PLXNC1: variants seen among roughly 807,000 people sequenced by gnomAD.
PLXNC1 encodes plexin-C1.
In PLXNC1, 75 loss-of-function variants were observed where a neutral mutation model predicts 178.2. That is an observed-to-expected ratio of 0.42 (90% CI 0.35 to 0.51). The LOEUF is 0.51. Among genes scored for constraint, PLXNC1 ranks in the 20% least tolerant of loss-of-function variants. The pLI is 0.02. For missense variants in PLXNC1, 1,503 were observed against 1,984.4 expected (o/e 0.76, Z 4.61); for synonymous variants, 790 against 779.9 (o/e 1.01, Z -0.22).
intron 23 of PLXNC1, 77 bp downstream of exon 23, chr12:94,282,478 AG>A (rs2136147534): frequency 1.1e-6 from 1 of 945,040 alleles, no homozygotes; most frequent in South Asian, 1.4e-5. Context: ...TAAAACATCC[AG>A]GACTCCCACC....
intron 18 of PLXNC1, 61 bp downstream of exon 18, chr12:94,259,436 C>A: frequency 7.9e-7 from 1 of 1,269,852 alleles, no homozygotes; most frequent in Non-Finnish European, 1.1e-6. Context: ...GTGTTATCAT[C>A]ATCACTATCA....
At chr12:94,270,658 C>T (rs1417879309) in intron 21 of PLXNC1, among the ~76,000 whole-genome samples, 2 of 151,136 alleles carry the variant, frequency 1.3e-5, no homozygotes, top group African/African-American at 4.9e-5. Flanking sequence ...CTAAATCAGA[C>T]AGCTCTTCAT....
chr12:94,212,765 G>A (rs1284670528), intron 5 of PLXNC1, among the ~76,000 whole-genome samples: 1 of 149,738 alleles, frequency 6.7e-6, no homozygotes, highest in Middle Eastern at 3.2e-3. Flanking sequence ...TGTCGCCCAG[G>A]CTGGAGTGCA....
At chr12:94,165,841 C>T (rs973390284) in intron 1 of PLXNC1, among the ~76,000 whole-genome samples, 12 of 151,986 alleles carry the variant, frequency 7.9e-5, no homozygotes, top group South Asian at 2.1e-4. Flanking sequence ...ACGGTTGCCA[C>T]GAGTCTATGC....
chr12:94,302,478 C>CT (rs1369891786), intron 28 of PLXNC1, among the ~76,000 whole-genome samples: 1 of 152,182 alleles, frequency 6.6e-6, no homozygotes, highest in Non-Finnish European at 1.5e-5. Flanking sequence ...AATATATTTC[C>CT]TACAGCACTT....
rs371906337 is a variant in PLXNC1 at position 94,149,793 on chromosome 12, G to T, written c.822G>T (p.Leu274=). The change falls in exon 1 of 31, where the codon CTG becomes CTT. Residue 274 remains leucine, a synonymous_variant. Coordinates refer to ENST00000258526, the MANE Select transcript of PLXNC1 (RefSeq NM_005761.3). The part of the protein sequence containing the change: ...MARIAQSTEV[L]FQGQASLDCG... Reference sequence around the variant, plus strand: ...GCATCGCGCAGAGCACCGAGGTGCTGTTCCAGGGCCAGGCATCCCTCGACT... The same window carrying T: ...GCATCGCGCAGAGCACCGAGGTGCTTTTCCAGGGCCAGGCATCCCTCGACT... 1 of 1,606,834 alleles carries T rather than the reference G, an allele frequency of 6.2e-7. No homozygotes were observed. The highest frequency in any genetic ancestry group is 8.5e-7 in the Non-Finnish European group (1 of 1,178,434).
At position 94,248,052 on chromosome 12, in the gene PLXNC1, C is replaced by T. The variant is rs1487490321; in HGVS notation, c.2538C>T (p.Phe846=). ...GTLQYREDPR[F]TGYRVESEVD... is the part of the protein sequence containing the mutation. ...TGCAGTATCGGGAGGACCCCAGATTCACGGGGTATCGGGTGGAATCCGAGG... is the reference window on the plus strand; with the variant it reads ...TGCAGTATCGGGAGGACCCCAGATTTACGGGGTATCGGGTGGAATCCGAGG... The change falls in exon 13 of 31, where the codon TTC becomes TTT. Residue 846 remains phenylalanine (F), a synonymous_variant. Coordinates refer to ENST00000258526, the MANE Select transcript of PLXNC1 (RefSeq NM_005761.3). 8.1e-6 allele frequency: 13 copies of T among 1,613,948 alleles called. No individual in the cohort carries two copies. The highest frequency in any genetic ancestry group is 1.1e-5 in the Non-Finnish European group (13 of 1,179,980).
intron 3 of PLXNC1, among the ~76,000 whole-genome samples, chr12:94,182,185 T>G (rs556493169): frequency 1.3e-5 from 2 of 152,310 alleles, no homozygotes; most frequent in East Asian, 3.9e-4. Flanking sequence ...TCACTATTCT[T>G]TGCATGATCT....
At chr12:94,162,482 T>A (rs1259623943) in intron 1 of PLXNC1, among the ~76,000 whole-genome samples, 1 of 152,048 alleles carries the variant, frequency 6.6e-6, no homozygotes, top group Non-Finnish European at 1.5e-5. Flanking sequence ...GGGAAGCCAT[T>A]GGAGAATTTT....
At position 94,192,335 on chromosome 12, in the gene PLXNC1, AT is replaced by A. The variant is rs1253971505; in HGVS notation, c.1439+5868del. 2.6e-5 allele frequency among the ~76,000 whole-genome samples: 4 copies of A among 151,898 alleles called. No homozygotes were observed. In the East Asian group the frequency reaches 7.7e-4, roughly 29 times the overall value. ...TTCAATCCTACATCCAATCACAAATATTTTTTAAGCACAACAATGTGCTAAG... is the reference window on the plus strand; with the variant it reads ...TTCAATCCTACATCCAATCACAAATATTTTTAAGCACAACAATGTGCTAAG... On this transcript the variant is annotated intron_variant, in intron 4 of 30. Coordinates refer to ENST00000258526, the MANE Select transcript of PLXNC1 (RefSeq NM_005761.3).
chr12:94,149,907 G>C lies in PLXNC1; in HGVS notation c.936G>C (p.Ala312=). 1.3e-6 allele frequency: 2 copies of C among 1,588,900 alleles called. No individual in the cohort carries two copies. Among genetic ancestry groups the C allele is most frequent in the Non-Finnish European group, 8.6e-7 (1 of 1,168,488 alleles). ...ACGTCTGGGCGGGAGTGTTCAGCGCGGCCGCTGGAGAGGGCCAGGAGCGGC... is the reference window on the plus strand; with the variant it reads ...ACGTCTGGGCGGGAGTGTTCAGCGCCGCCGCTGGAGAGGGCCAGGAGCGGC... ...ALDVWAGVFS[A]AAGEGQERRS... Residue 312 remains alanine (A), a synonymous_variant, in exon 1 of 31, where the codon GCG becomes GCC. Transcript: ENST00000258526.
At chr12:94,221,995 A>G (rs1963809872) in intron 6 of PLXNC1, among the ~76,000 whole-genome samples, 1 of 152,190 alleles carries the variant, frequency 6.6e-6, no homozygotes, top group Non-Finnish European at 1.5e-5. Flanking sequence ...TCAAAAGGCA[A>G]TTTAATGCAC....
intron 23 of PLXNC1, among the ~76,000 whole-genome samples, chr12:94,288,672 T>A (rs946067912): frequency 2.0e-5 from 3 of 152,234 alleles, no homozygotes; most frequent in Non-Finnish European, 4.4e-5. Context: ...CTCAGCAAGG[T>A]TATCCCTCAA....
intron 23 of PLXNC1, among the ~76,000 whole-genome samples, chr12:94,291,029 C>T (rs1033972578): frequency 3.3e-5 from 5 of 152,322 alleles, no homozygotes; most frequent in Non-Finnish European, 2.9e-5. Flanking sequence ...CCCCTTTGCC[C>T]GAAGGGCACT....
At chr12:94,163,467 G>T (rs1762813194) in intron 1 of PLXNC1, among the ~76,000 whole-genome samples, 2 of 152,096 alleles carry the variant, frequency 1.3e-5, no homozygotes, top group African/African-American at 4.8e-5. Context: ...ATAAGTAATT[G>T]ACTGAAATTA....
At chr12:94,293,158 T>C (rs140672167) in intron 23 of PLXNC1, among the ~76,000 whole-genome samples, 1 of 152,354 alleles carries the variant, frequency 6.6e-6, no homozygotes, top group East Asian at 1.9e-4. Flanking sequence ...CCATGTGGCG[T>C]GTAACAGTAG....
At chr12:94,257,723 A>G (rs1238918562) in intron 17 of PLXNC1, among the ~76,000 whole-genome samples, 5 of 151,604 alleles carry the variant, frequency 3.3e-5, no homozygotes, top group Non-Finnish European at 5.9e-5. Flanking sequence ...TGGCTAACAC[A>G]GTGAAACCCC....
At chr12:94,265,000 G>A (rs958376694) in intron 20 of PLXNC1, 79 bp from the exon 21 acceptor site, 2 of 1,455,814 alleles carry the variant, frequency 1.4e-6, no homozygotes, top group Non-Finnish European at 1.9e-6. Context: ...CCTTACTGCT[G>A]TAAACAGAAA....
intron 4 of PLXNC1, among the ~76,000 whole-genome samples, chr12:94,193,584 T>A (rs374206719): frequency 6.6e-6 from 1 of 152,212 alleles, no homozygotes; most frequent in African/African-American, 2.4e-5. Flanking sequence ...GATACCCACA[T>A]GTACACTTGA....
Sources: allele counts gnomAD v4.1 joint callset (sites outside exome capture counted in the v4.1 genomes callset), GRCh38; gene constraint gnomAD v4.1.1; transcripts MANE v1.5; gene names NCBI Gene and HGNC (gene_info 2026-07-23, HGNC 2026-07-21).